Variants in CDC123 observed in about 807,000 individuals in gnomAD.
The protein encoded by CDC123 is cell division cycle 123, also known as translation initiation factor eIF2 assembly protein.
A neutral mutation model predicts 54.4 loss-of-function variants in CDC123; 37 were observed. The ratio of observed to expected loss-of-function variants is 0.68; its 90% CI spans 0.52 to 0.89. The LOEUF (loss-of-function observed/expected upper bound fraction) is 0.89. Ranked by LOEUF, CDC123 falls within the 40% of genes least tolerant of loss-of-function variation. The probability of loss-of-function intolerance (pLI) is 0.00; values close to 1 mark genes in which losing one functional copy is unlikely to be tolerated. For missense variants in CDC123, 361 were observed against 412.1 expected (o/e 0.88, Z 1.07); for synonymous variants, 144 against 136.8 (o/e 1.05, Z -0.37).
At chr10:12,201,557 A>C (rs1434196932) in intron 2 of CDC123, among the ~76,000 whole-genome samples, 1 of 151,770 alleles carries the variant, frequency 6.6e-6, no homozygotes, top group African/African-American at 2.4e-5. Context: ...CTTGACATAC[A>C]AGAAGCTTGG....
intron 5 of CDC123, among the ~76,000 whole-genome samples, chr10:12,216,036 C>G (rs1224969593): frequency 6.6e-6 from 1 of 152,136 alleles, no homozygotes; most frequent in African/African-American, 2.4e-5. Context: ...ACTGTATATT[C>G]TGCCAAAAGG....
intron 2 of CDC123, among the ~76,000 whole-genome samples, chr10:12,204,992 CAAAAAAAAAAAAA>C: frequency 1.6e-5 from 1 of 64,480 alleles, no homozygotes; most frequent in Non-Finnish European, 3.3e-5. Flanking sequence ...GACTCCATAT[CAAAAAAAAAAAAA>C]AAAAAAAAAG....
intron 10 of CDC123, 142 bp downstream of exon 10, chr10:12,238,627 G>GTGCTGGGAATA: frequency 1.0e-6 from 1 of 984,820 alleles, no homozygotes; most frequent in Non-Finnish European, 1.4e-6. Context: ...TGTATTCCCA[G>GTGCTGGGAATA]CACTTTGGGA....
chr10:12,248,926 A>G (rs992549507), intron 11 of CDC123, among the ~76,000 whole-genome samples: 1 of 152,156 alleles, frequency 6.6e-6, no homozygotes, highest in Non-Finnish European at 1.5e-5. Context: ...CCTGGCCAAC[A>G]TAGTGAAATC....
At chr10:12,246,351 T>C (rs934474423) in intron 11 of CDC123, 74 bp downstream of exon 11, 6 of 1,552,998 alleles carry the variant, frequency 3.9e-6, no homozygotes, top group African/African-American at 1.4e-5. Flanking sequence ...TTCAGACGCA[T>C]AGGTAGGCGG....
chr10:12,223,243 C>T (rs987010653), intron 6 of CDC123, among the ~76,000 whole-genome samples: 3 of 151,760 alleles, frequency 2.0e-5, no homozygotes, highest in South Asian at 2.1e-4. Context: ...ACGAGAGAAA[C>T]GGTGTGTTGA....
intron 9 of CDC123, 58 bp downstream of exon 9, chr10:12,237,324 C>T (rs1210050415): frequency 7.3e-7 from 1 of 1,378,662 alleles, no homozygotes; most frequent in Non-Finnish European, 9.6e-7. Context: ...GTTACTGGAC[C>T]TTATTTACTA....
intron 5 of CDC123, among the ~76,000 whole-genome samples, chr10:12,216,309 G>A (rs1042985378): frequency 1.3e-5 from 2 of 152,108 alleles, no homozygotes; most frequent in African/African-American, 2.4e-5. Flanking sequence ...GGAAAAATCC[G>A]TTAGTTGTTT....
At chr10:12,211,134 G>T (rs1235433951) in intron 4 of CDC123, among the ~76,000 whole-genome samples, 1 of 152,202 alleles carries the variant, frequency 6.6e-6, no homozygotes, top group Non-Finnish European at 1.5e-5. Context: ...GGATAAGAGT[G>T]CTGTTGTGAA....
chr10:12,226,421 G>C lies in CDC123; in HGVS notation c.441-4527G>C, dbSNP rs530045551. ...GGGGGCTCTCCCCCACCTCCTGGAG[G>C]GGGCAGCTGCTGGGTGGAGACGCTC... On this transcript the variant is annotated intron_variant, in intron 6 of 12. Coordinates refer to ENST00000281141, the MANE Select transcript of CDC123 (RefSeq NM_006023.3). Among the ~76,000 whole-genome samples, 258 of 152,116 alleles carry C rather than the reference G, an allele frequency of 1.7e-3. 1 individual carries two copies. Among genetic ancestry groups the C allele is most frequent in the African/African-American group, 5.9e-3 (245 of 41,506 alleles).
intron 5 of CDC123, 66 bp downstream of exon 5, chr10:12,215,901 A>G (rs774261285): frequency 3.0e-6 from 3 of 1,013,778 alleles, no homozygotes; most frequent in South Asian, 3.0e-5. Flanking sequence ...ATTTCATTTC[A>G]TATCCCTACA....
chr10:12,243,966 G>A (rs1277984087), intron 10 of CDC123, among the ~76,000 whole-genome samples: 2 of 152,158 alleles, frequency 1.3e-5, no homozygotes, highest in Non-Finnish European at 1.5e-5. Flanking sequence ...AGAAGTGGGT[G>A]CCAAATGGAG....
chr10:12,198,921 T>C (rs1373004598), intron 2 of CDC123, 145 bp downstream of exon 2: 1 of 572,906 alleles, frequency 1.7e-6, no homozygotes, highest in African/African-American at 1.9e-5. Flanking sequence ...TCATATTCCT[T>C]CTCAATGTTC....
intron 6 of CDC123, among the ~76,000 whole-genome samples, chr10:12,230,455 A>G (rs1465428610): frequency 6.6e-6 from 1 of 152,206 alleles, no homozygotes; most frequent in Non-Finnish European, 1.5e-5. Context: ...GGCCTCCCAA[A>G]GTGGTGGGAT....
At chr10:12,210,392 A>C in intron 4 of CDC123, 70 bp downstream of exon 4, 1 of 1,542,062 alleles carries the variant, frequency 6.5e-7, no homozygotes, top group Non-Finnish European at 8.8e-7. Context: ...TCAAGGTTTA[A>C]GTGCATACCT....
chr10:12,199,198 T>G (rs1416728418), intron 2 of CDC123, among the ~76,000 whole-genome samples: 1 of 152,188 alleles, frequency 6.6e-6, no homozygotes, highest in Non-Finnish European at 1.5e-5. Flanking sequence ...CCCCTCCACT[T>G]TCTAGAAGCT....
chr10:12,247,841 A>G (rs1021744489), intron 11 of CDC123: 2 of 152,074 alleles, frequency 1.3e-5, no homozygotes, highest in African/African-American at 2.4e-5. Flanking sequence ...TCTACTAAAA[A>G]TACAAAAAAA....
At chr10:12,248,779 T>C (rs1022949056) in intron 11 of CDC123, among the ~76,000 whole-genome samples, 5 of 149,070 alleles carry the variant, frequency 3.4e-5, no homozygotes, top group Non-Finnish European at 5.9e-5. Flanking sequence ...GCATCCAGCC[T>C]GGGCAACAAG....
intron 1 of CDC123, among the ~76,000 whole-genome samples, chr10:12,198,201 G>A (rs1835391914): frequency 6.6e-6 from 1 of 152,180 alleles, no homozygotes; most frequent in African/African-American, 2.4e-5. Context: ...CAGTTGAATA[G>A]AAAGCCAGCA....
Sources: allele counts gnomAD v4.1 joint callset (sites outside exome capture counted in the v4.1 genomes callset), GRCh38; gene constraint gnomAD v4.1.1; transcripts MANE v1.5; gene names NCBI Gene and HGNC (gene_info 2026-07-23, HGNC 2026-07-21).